GEMIN5: variants seen among roughly 807,000 people sequenced by gnomAD.
The protein encoded by GEMIN5 is gem-associated protein 5.
Under a neutral mutation model 176.9 loss-of-function variants are expected in GEMIN5, and 124 were observed. The observed-to-expected ratio is 0.70, with a 90% CI of 0.61 to 0.81. The LOEUF is 0.81. Ranked by LOEUF, GEMIN5 falls within the 40% of genes least tolerant of loss-of-function variation. GEMIN5 has a pLI of 0.00. For missense variants in GEMIN5, 1,843 were observed against 1,814.6 expected, an observed-to-expected ratio of 1.02 and a Z score of -0.28; for synonymous variants, 673 against 665.2, an observed-to-expected ratio of 1.01 and a Z score of -0.18.
chr5:154,924,918 G>A (rs1763998886), intron 8 of GEMIN5, among the ~76,000 whole-genome samples: 1 of 152,090 alleles, frequency 6.6e-6, no homozygotes, highest in Admixed American at 6.5e-5. Context: ...GAACCCGGGA[G>A]GCGGAGCTTG....
At chr5:154,902,196 T>TA (rs1763479863) in intron 20 of GEMIN5, among the ~76,000 whole-genome samples, 1 of 152,118 alleles carries the variant, frequency 6.6e-6, no homozygotes, top group Non-Finnish European at 1.5e-5. Flanking sequence ...CAGAGCGCTA[T>TA]AGGTCTGAAC....
At chr5:154,893,255 T>TTAA (rs773764656) in intron 24 of GEMIN5, among the ~76,000 whole-genome samples, 1 of 85,684 alleles carries the variant, frequency 1.2e-5, no homozygotes, top group African/African-American at 5.0e-5. Context: ...AGCCCGTCTC[T>TTAA]AAAAAAAAAA....
At position 154,937,057 on chromosome 5, in the gene GEMIN5, T is replaced by C; in HGVS notation, c.295A>G (p.Lys99Glu). The change falls in exon 2 of 28, where the codon AAA becomes GAA. Residue 99 changes from lysine (K) to glutamate (E), a missense_variant. Transcript: ENST00000285873. ...AGTGCATGTTCTGTCACAACTGTTT[T>C]TGTCTCTACATCCCATATTTTCACA... Reference protein sequence around the residue: ...GTVKIWDVETKTVVTEHALHQ... With the variant: ...GTVKIWDVETETVVTEHALHQ... The C allele has an allele frequency of 6.2e-7, 1 of 1,614,082 alleles. No individual in the cohort carries two copies. The highest frequency in any genetic ancestry group is 2.2e-5 in the East Asian group (1 of 44,874).
chr5:154,937,565 G>T (rs1308216674), intron 1 of GEMIN5, among the ~76,000 whole-genome samples: 1 of 152,194 alleles, frequency 6.6e-6, no homozygotes, highest in Admixed American at 6.5e-5. Flanking sequence ...AAAGCATCTG[G>T]TTCAACCCAT....
intron 27 of GEMIN5, among the ~76,000 whole-genome samples, chr5:154,889,014 C>T (rs1342346830): frequency 2.0e-5 from 3 of 151,944 alleles, no homozygotes; most frequent in Non-Finnish European, 4.4e-5. Flanking sequence ...GTAACTGGGA[C>T]TACAGGCACC....
At chr5:154,902,109 T>TG in intron 20 of GEMIN5, among the ~76,000 whole-genome samples, 1 of 143,584 alleles carries the variant, frequency 7.0e-6, no homozygotes, top group East Asian at 2.0e-4. Flanking sequence ...ACACCCAGCC[T>TG]TTTTTTTTTT....
At chr5:154,910,702 TC>T (rs1419493574) in intron 15 of GEMIN5, among the ~76,000 whole-genome samples, 15 of 152,330 alleles carry the variant, frequency 9.8e-5, no homozygotes, top group African/African-American at 2.9e-4. Context: ...TCTTACTTTC[TC>T]TTTTTTTTGT....
chr5:154,914,061 C>A (rs1239581861), intron 13 of GEMIN5, among the ~76,000 whole-genome samples: 1 of 151,832 alleles, frequency 6.6e-6, no homozygotes, highest in Non-Finnish European at 1.5e-5. Context: ...TCACTCATCT[C>A]CCAGGCTGGA....
intron 15 of GEMIN5, among the ~76,000 whole-genome samples, chr5:154,908,384 T>C (rs772003165): frequency 2.3e-4 from 35 of 152,092 alleles, no homozygotes; most frequent in Non-Finnish European, 4.9e-4. Context: ...TTTCACCATG[T>C]TGGTCAGGCT....
chr5:154,901,109 T>G (rs186687071), intron 21 of GEMIN5, among the ~76,000 whole-genome samples: 77 of 152,308 alleles, frequency 5.1e-4, no homozygotes, highest in Non-Finnish European at 7.9e-4. Flanking sequence ...GAGGATCGCT[T>G]GAGCCCAGGA....
chr5:154,902,191 C>G (rs948170089), intron 20 of GEMIN5, among the ~76,000 whole-genome samples: 2 of 152,064 alleles, frequency 1.3e-5, no homozygotes, highest in African/African-American at 4.8e-5. Context: ...ATTAACAGAG[C>G]GCTATAGGTC....
intron 10 of GEMIN5, 91 bp downstream of exon 10, chr5:154,921,252 C>A (rs944873660): frequency 1.3e-6 from 1 of 750,998 alleles, no homozygotes; most frequent in Admixed American, 2.0e-5. Context: ...GTGCACTAGA[C>A]CATTTATGAC....
At chr5:154,916,866 A>G (rs1055006213) in intron 13 of GEMIN5, 132 bp downstream of exon 13, 3 of 473,582 alleles carry the variant, frequency 6.3e-6, no homozygotes, top group Non-Finnish European at 1.1e-5. Context: ...ATCACTTTTG[A>G]AACAGAAAAA....
chr5:154,930,842 A>T (rs1764146758), intron 5 of GEMIN5, among the ~76,000 whole-genome samples: 2 of 152,070 alleles, frequency 1.3e-5, no homozygotes, highest in South Asian at 4.1e-4. Context: ...CTGCCAAAAA[A>T]AATAAAATAA....
chr5:154,889,430 A>T lies in GEMIN5; in HGVS notation c.4263-13T>A, dbSNP rs1264906657. On this transcript the variant is annotated splice_polypyrimidine_tract_variant and intron_variant, in intron 26 of 27. Coordinates refer to ENST00000285873, the MANE Select transcript of GEMIN5 (RefSeq NM_015465.5). ...TTTTTCTTCTTTACTAGTGAAAAAA[A>T]TAAAAGGTGTAAATTGTATGTCTTG... 1 of 1,476,054 alleles carries T rather than the reference A, an allele frequency of 6.8e-7. No individual in the cohort carries two copies. The highest frequency in any genetic ancestry group is 2.3e-5 in the East Asian group (1 of 44,064). 91.4% of individuals were successfully genotyped at this position (1,476,054 alleles called of 1,614,324 possible).
At chr5:154,925,223 TTAAA>T (rs1349697363) in intron 8 of GEMIN5, among the ~76,000 whole-genome samples, 3 of 152,178 alleles carry the variant, frequency 2.0e-5, no homozygotes, top group African/African-American at 7.2e-5. Context: ...TCTATTAATA[TTAAA>T]TAGTTTACAA....
intron 24 of GEMIN5, among the ~76,000 whole-genome samples, chr5:154,893,252 CTCTAAAAAAAAAA>C (rs1238913138): frequency 1.1e-5 from 1 of 92,250 alleles, no homozygotes; most frequent in Non-Finnish European, 2.1e-5. Flanking sequence ...GAAAGCCCGT[CTCTAAAAAAAAAA>C]AAAAAAAAAA....
intron 2 of GEMIN5, among the ~76,000 whole-genome samples, chr5:154,936,225 G>T (rs1764266694): frequency 6.6e-6 from 1 of 152,044 alleles, no homozygotes; most frequent in African/African-American, 2.4e-5. Flanking sequence ...GACCATCCTG[G>T]CTAACATGGT....
intron 5 of GEMIN5, among the ~76,000 whole-genome samples, chr5:154,930,208 G>T (rs984231025): frequency 1.3e-5 from 2 of 152,040 alleles, no homozygotes; most frequent in African/African-American, 2.4e-5. Context: ...TTAAATCAGC[G>T]AATCAGAATT....
Sources: allele counts gnomAD v4.1 joint callset (sites outside exome capture counted in the v4.1 genomes callset), GRCh38; gene constraint gnomAD v4.1.1; transcripts MANE v1.5; gene names NCBI Gene and HGNC (gene_info 2026-07-23, HGNC 2026-07-21).